COL4A6: variants seen among roughly 807,000 people sequenced by gnomAD.
COL4A6 encodes collagen alpha-6(IV) chain.
COL4A6 carries 59 observed loss-of-function variants against 126.7 expected under a neutral mutation model. The observed-to-expected ratio is 0.47, with a 90% CI of 0.38 to 0.58. The LOEUF (loss-of-function observed/expected upper bound fraction) is 0.58. Ranked by LOEUF, COL4A6 falls within the 20% of genes least tolerant of loss-of-function variation. The pLI is 0.00. For missense variants in COL4A6, 1,285 were observed against 1,337.3 expected, an observed-to-expected ratio of 0.96 and a Z score of 0.61; for synonymous variants, 547 against 496.6, an observed-to-expected ratio of 1.10 and a Z score of -1.35.
At chrX:108,243,073 G>C (rs930770990) in intron 3 of COL4A6, among the ~76,000 whole-genome samples, 1 of 111,283 alleles carries the variant, frequency 9.0e-6, no homozygotes. Flanking sequence ...CTGATTCAGC[G>C]GGAGGCTCAA....
chrX:108,164,949 C>CA lies in COL4A6; in HGVS notation c.3897dup (p.Gly1300TrpfsTer3). 8.3e-7 allele frequency: 1 copy of CA among 1,210,785 alleles called. No homozygotes were observed. Among genetic ancestry groups the CA allele is most frequent in the Non-Finnish European group, 1.1e-6 (1 of 895,096 alleles). Reference sequence around the variant, plus strand: ...TGGTCTCCCTTAGGCCCTTTAGGTCCAGGAATTCCAGGGAAGCCAGGGTCT... The same window carrying CA: ...TGGTCTCCCTTAGGCCCTTTAGGTCCAAGGAATTCCAGGGAAGCCAGGGTCT... On this transcript the variant is annotated frameshift_variant, in exon 39 of 45. Coordinates refer to ENST00000334504, the MANE Select transcript of COL4A6 (RefSeq NM_033641.4). LOFTEE classifies it high-confidence loss of function.
intron 3 of COL4A6, among the ~76,000 whole-genome samples, chrX:108,227,286 G>A (rs1402468210): frequency 1.8e-5 from 2 of 112,082 alleles, no homozygotes; most frequent in African/African-American, 3.2e-5. Context: ...AGTGGCCCAG[G>A]TACAGCAGTA....
intron 3 of COL4A6, among the ~76,000 whole-genome samples, chrX:108,234,840 A>G (rs780221118): frequency 9.0e-6 from 1 of 111,593 alleles, no homozygotes; most frequent in East Asian, 2.8e-4. Flanking sequence ...GGAAGTGGAG[A>G]ATGTCTATTT....
chrX:108,353,811 G>A (rs2039894915), intron 2 of COL4A6, among the ~76,000 whole-genome samples: 1 of 112,306 alleles, frequency 8.9e-6, no homozygotes, highest in Non-Finnish European at 1.9e-5. Flanking sequence ...AGGCTTAAGG[G>A]TTTGATTTTA....
intron 2 of COL4A6, among the ~76,000 whole-genome samples, chrX:108,408,628 A>T (rs187347414): frequency 3.0e-3 from 337 of 112,175 alleles, no homozygotes; most frequent in African/African-American, 0.011. Flanking sequence ...TGAAAATAAT[A>T]TATAAATATC....
At chrX:108,375,665 C>T (rs2040418023) in intron 2 of COL4A6, among the ~76,000 whole-genome samples, 1 of 109,771 alleles carries the variant, frequency 9.1e-6, no homozygotes, top group African/African-American at 3.3e-5. Context: ...ATACTCCAAA[C>T]CCTAGGCTAA....
At chrX:108,163,871 A>G (rs2148061039) in intron 40 of COL4A6, among the ~76,000 whole-genome samples, 1 of 112,456 alleles carries the variant, frequency 8.9e-6, no homozygotes, top group South Asian at 3.7e-4. Context: ...TAGAAGTAGC[A>G]TGTGCAAAGG....
chrX:108,397,492 C>T (rs903628062), intron 2 of COL4A6, among the ~76,000 whole-genome samples: 3 of 110,552 alleles, frequency 2.7e-5, no homozygotes, highest in African/African-American at 9.8e-5. Context: ...TAGACCAGCA[C>T]ATTCTATTTC....
chrX:108,249,444 C>A (rs1387105837), intron 3 of COL4A6, among the ~76,000 whole-genome samples: 1 of 111,723 alleles, frequency 9.0e-6, no homozygotes, highest in African/African-American at 3.3e-5. Context: ...AAAGCCTGAG[C>A]AAACACAATC....
intron 2 of COL4A6, among the ~76,000 whole-genome samples, chrX:108,411,892 G>C (rs1378415382): frequency 9.0e-6 from 1 of 110,714 alleles, no homozygotes; most frequent in Non-Finnish European, 1.9e-5. Context: ...GGGAGGGGTT[G>C]CTCGGTGTTG....
At chrX:108,223,465 G>A (rs1342928101) in intron 3 of COL4A6, among the ~76,000 whole-genome samples, 1 of 111,633 alleles carries the variant, frequency 9.0e-6, no homozygotes, top group African/African-American at 3.3e-5. Flanking sequence ...ATTTGGAACA[G>A]AGCCTAAGTG....
At position 108,169,485 on chromosome X, in the gene COL4A6, T is replaced by C. The variant is rs2148075867; in HGVS notation, c.3691+10A>G. 1 of 1,211,219 alleles carries C rather than the reference T, an allele frequency of 8.3e-7. No individual in the cohort carries two copies. Reference sequence around the variant, plus strand: ...TCACTCAGCCTCTACAAGGCCTGACTTGGACTCACCTCGATCACCTTTTTG... The same window carrying C: ...TCACTCAGCCTCTACAAGGCCTGACCTGGACTCACCTCGATCACCTTTTTG... On this transcript the variant is annotated intron_variant, in intron 37 of 44. Transcript: ENST00000334504.
chrX:108,339,241 A>G (rs758916028), intron 2 of COL4A6, among the ~76,000 whole-genome samples: 4 of 112,432 alleles, frequency 3.6e-5, no homozygotes, highest in Non-Finnish European at 7.5e-5. Flanking sequence ...CAGCTTCTGA[A>G]TCCCACATCA....
intron 20 of COL4A6, among the ~76,000 whole-genome samples, chrX:108,188,942 C>T (rs1336951997): frequency 8.9e-6 from 1 of 111,971 alleles, no homozygotes; most frequent in Non-Finnish European, 1.9e-5. Context: ...TACTAACCAG[C>T]TGAGAGTCTG....
At chrX:108,221,489 GATCTGTGAGGCACGCCAA>G in intron 3 of COL4A6, 115 bp from the exon 4 acceptor site, 1 of 849,667 alleles carries the variant, frequency 1.2e-6, no homozygotes. Flanking sequence ...TTGGCTAAGA[GATCTGTGAGGCACGCCAA>G]AGTTCCAGAC....
At chrX:108,343,999 T>A (rs754027530) in intron 2 of COL4A6, among the ~76,000 whole-genome samples, 3 of 111,218 alleles carry the variant, frequency 2.7e-5, no homozygotes, top group Non-Finnish European at 5.7e-5. Flanking sequence ...TTGCATGTTT[T>A]TTTTTCCATG....
intron 2 of COL4A6, among the ~76,000 whole-genome samples, chrX:108,412,337 T>C (rs1200316352): frequency 8.9e-6 from 1 of 112,136 alleles, no homozygotes; most frequent in Non-Finnish European, 1.9e-5. Context: ...AAATATTAGA[T>C]ACATCAGTAT....
In COL4A6 at chrX:108,159,788, G is replaced by A. The variant is rs1569320409; in HGVS notation, c.4526-40C>T. 1.7e-6 allele frequency: 2 copies of A among 1,197,120 alleles called. 1 individual carries two copies. Among genetic ancestry groups the A allele is most frequent in the Admixed American group, 4.4e-5 (2 of 45,796 alleles). On this transcript the variant is annotated intron_variant, in intron 43 of 44. Transcript: ENST00000334504. ...AGTGGGCAAGGGCAGGGGAGGTCTG[G>A]CTGAGGGGCTTTGACGAGATGGTGG...
At chrX:108,308,478 T>C (rs2038681751) in intron 3 of COL4A6, among the ~76,000 whole-genome samples, 1 of 112,257 alleles carries the variant, frequency 8.9e-6, no homozygotes, top group South Asian at 3.8e-4. Context: ...TCGATTTGGG[T>C]CATTTTTATT....
Sources: gnomAD v4.1 joint callset for allele counts (sites outside exome capture counted in the v4.1 genomes callset) on GRCh38, gnomAD v4.1.1 for gene constraint, MANE v1.5 for transcripts, NCBI Gene and HGNC (gene_info 2026-07-23, HGNC 2026-07-21) for gene names.